Variants in KLHL29 observed in about 807,000 individuals in gnomAD.
KLHL29 encodes the protein kelch like family member 29.
In KLHL29, 21 loss-of-function variants were observed where a neutral mutation model predicts 80.4. That is an observed-to-expected ratio of 0.26 (90% CI 0.19 to 0.38). The LOEUF (loss-of-function observed/expected upper bound fraction) is 0.38, where lower values mean the gene tolerates loss of function less well. KLHL29 is among the 10% of genes least tolerant of loss of function. The probability of loss-of-function intolerance (pLI) is 1.00; values close to 1 mark genes in which losing one functional copy is unlikely to be tolerated. For missense variants in KLHL29, 867 were observed against 1,223.9 expected (o/e 0.71, Z 4.35); for synonymous variants, 511 against 526.8 (o/e 0.97, Z 0.41).
intron 1 of KLHL29, among the ~76,000 whole-genome samples, chr2:23,427,622 T>C (rs1006951023): frequency 5.3e-5 from 8 of 152,180 alleles, no homozygotes; most frequent in Admixed American, 2.6e-4. Context: ...AAAATGGCTT[T>C]GAGGGAGAGA....
At position 23,707,642 on chromosome 2, in the gene KLHL29, C is replaced by T. The variant is rs1672813345; in HGVS notation, c.*978C>T. On this transcript the variant is annotated 3_prime_UTR_variant, in exon 14 of 14. Transcript: ENST00000486442. Reference sequence around the variant, plus strand: ...CTCTAGAAGGAGCCCGGTTCTGGCTCAGGACACCGGCCCAGCTCCCTCCAT... The same window carrying T: ...CTCTAGAAGGAGCCCGGTTCTGGCTTAGGACACCGGCCCAGCTCCCTCCAT... 6.6e-6 allele frequency: 1 copy of T among 152,208 alleles called. No individual in the cohort carries two copies. The highest frequency in any genetic ancestry group is 2.4e-5 in the African/African-American group (1 of 41,434). The allele number at this position is 152,208 out of a possible 1,614,324, so 9.4% of individuals were successfully genotyped here.
intron 5 of KLHL29, among the ~76,000 whole-genome samples, chr2:23,665,951 A>T (rs1191404055): frequency 6.6e-6 from 1 of 152,240 alleles, no homozygotes; most frequent in African/African-American, 2.4e-5. Flanking sequence ...TATGAGCTGT[A>T]TGCTGGGTCC....
intron 3 of KLHL29, among the ~76,000 whole-genome samples, chr2:23,587,982 G>A (rs1021962001): frequency 6.6e-6 from 1 of 152,136 alleles, no homozygotes; most frequent in African/African-American, 2.4e-5. Context: ...CATCTGTCGC[G>A]TTTATTTCTA....
intron 2 of KLHL29, among the ~76,000 whole-genome samples, chr2:23,531,397 T>C (rs779447755): frequency 1.3e-4 from 20 of 152,132 alleles, no homozygotes; most frequent in Non-Finnish European, 2.1e-4. Flanking sequence ...ACCGTCCCCA[T>C]CAGTTCCATC....
intron 3 of KLHL29, among the ~76,000 whole-genome samples, chr2:23,567,008 C>A (rs1667605475): frequency 6.6e-6 from 1 of 152,210 alleles, no homozygotes; most frequent in Admixed American, 6.5e-5. Context: ...TGCTAAGGAA[C>A]TGGGATGGCA....
chr2:23,645,629 G>A (rs1572462825), intron 5 of KLHL29, among the ~76,000 whole-genome samples: 1 of 152,178 alleles, frequency 6.6e-6, no homozygotes, highest in Non-Finnish European at 1.5e-5. Flanking sequence ...GTAATTATGG[G>A]GAGATTCCCC....
At chr2:23,702,126 A>T (rs1298471824) in intron 11 of KLHL29, among the ~76,000 whole-genome samples, 1 of 152,092 alleles carries the variant, frequency 6.6e-6, no homozygotes, top group Non-Finnish European at 1.5e-5. Context: ...CCCAGCCCAC[A>T]TGGCTCTTTT....
intron 11 of KLHL29, among the ~76,000 whole-genome samples, chr2:23,701,620 G>A (rs1343916541): frequency 1.3e-5 from 2 of 152,010 alleles, no homozygotes; most frequent in African/African-American, 4.8e-5. Flanking sequence ...GGCTGAGGTG[G>A]GAGAATTGTT....
chr2:23,683,482 C>T (rs910913208), intron 5 of KLHL29, among the ~76,000 whole-genome samples: 1 of 152,250 alleles, frequency 6.6e-6, no homozygotes, highest in Non-Finnish European at 1.5e-5. Flanking sequence ...GCAACCCCAA[C>T]AGGGTGACTG....
chr2:23,393,257 T>C (rs2723146), intron 1 of KLHL29, among the ~76,000 whole-genome samples: 4,183 of 152,336 alleles, frequency 0.027, 55 homozygotes, highest in East Asian at 0.038. Context: ...GGCTGTGTAG[T>C]CACATGTTCA....
At chr2:23,508,545 G>A (rs904135883) in intron 2 of KLHL29, among the ~76,000 whole-genome samples, 1 of 152,270 alleles carries the variant, frequency 6.6e-6, no homozygotes, top group African/African-American at 2.4e-5. Flanking sequence ...TGAATCACAA[G>A]TCCACGTAGA....
In KLHL29 at chr2:23,625,743, T is replaced by G. The variant is rs185691503; in HGVS notation, c.286-13396T>G. 5.3e-5 allele frequency among the ~76,000 whole-genome samples: 8 copies of G among 152,344 alleles called. No individual in the cohort carries two copies. In the East Asian group the frequency reaches 1.3e-3, roughly 26 times the overall value. ...TTGTGCCCCCAGCAAATTCACAGGTTGAAGCCCTAATTACCATTGTGATGG... is the reference window on the plus strand; with the variant it reads ...TTGTGCCCCCAGCAAATTCACAGGTGGAAGCCCTAATTACCATTGTGATGG... On this transcript the variant is annotated intron_variant, in intron 3 of 13. Coordinates refer to ENST00000486442, the MANE Select transcript of KLHL29 (RefSeq NM_052920.2).
intron 2 of KLHL29, among the ~76,000 whole-genome samples, chr2:23,514,852 C>T (rs1665874607): frequency 6.6e-6 from 1 of 152,204 alleles, no homozygotes; most frequent in African/African-American, 2.4e-5. Flanking sequence ...ACCCGGAATG[C>T]TCTTTTCTGT....
Position 23,691,706 on chromosome 2 carries a change from A to T in KLHL29, c.1112A>T (p.Glu371Val). The T allele has an allele frequency of 6.4e-7, 1 of 1,551,806 alleles. No individual in the cohort carries two copies. Among genetic ancestry groups the T allele is most frequent in the Non-Finnish European group, 8.7e-7 (1 of 1,147,018 alleles). Residue 371 changes from glutamate to valine, a missense_variant, in exon 7 of 14, where the codon GAG (glutamate) becomes GTG (valine). Glu to Val is a moderately radical substitution (Grantham distance 121). Coordinates refer to ENST00000486442, the MANE Select transcript of KLHL29 (RefSeq NM_052920.2). ...SVQDSGQGGR[E>V]KLELVLSNLQ... ...CAAGACAGCGGCCAGGGCGGCCGGG[A>T]GAAGCTGGAGCTCGTCCTGTCGAAC...
Position 23,385,546 on chromosome 2 carries a change from TC to T in KLHL29, c.-386del, listed in dbSNP as rs1418824977. On this transcript the variant is annotated 5_prime_UTR_variant, in exon 1 of 14. Transcript: ENST00000486442. Reference sequence around the variant, plus strand: ...AGGACCGACTTCCCTCTCCCGGGCATCCTCCCTGGGCTGCCGGGAGGCGGCG... The same window carrying T: ...AGGACCGACTTCCCTCTCCCGGGCATCTCCCTGGGCTGCCGGGAGGCGGCG... 5.9e-6 allele frequency: 1 copy of T among 169,386 alleles called. No individual in the cohort carries two copies. The highest frequency in any genetic ancestry group is 1.4e-5 in the Non-Finnish European group (1 of 69,974). The allele number at this position is 169,386 out of a possible 1,614,324, so 10.5% of individuals were successfully genotyped here.
intron 5 of KLHL29, among the ~76,000 whole-genome samples, chr2:23,658,861 G>T (rs1670321577): frequency 1.3e-5 from 2 of 152,230 alleles, no homozygotes; most frequent in Admixed American, 6.5e-5. Flanking sequence ...GGTCTCCTCA[G>T]GAGAGACCCG....
intron 2 of KLHL29, among the ~76,000 whole-genome samples, chr2:23,549,238 G>T (rs532819107): frequency 1.3e-5 from 2 of 152,220 alleles, no homozygotes; most frequent in African/African-American, 4.8e-5. Context: ...CTGCCCAGCG[G>T]GGGTGGAAGT....
intron 2 of KLHL29, among the ~76,000 whole-genome samples, chr2:23,490,684 T>C (rs991104805): frequency 1.3e-5 from 2 of 152,244 alleles, no homozygotes; most frequent in African/African-American, 4.8e-5. Context: ...TTTCTGACTT[T>C]GGATTTATGG....
rs1672843540 is a variant in KLHL29 at position 23,708,227 on chromosome 2, C to T, written c.*1563C>T. On this transcript the variant is annotated 3_prime_UTR_variant, in exon 14 of 14. Transcript: ENST00000486442. The stretch of plus-strand genomic sequence containing the variant: ...CCCACTTGGACAAGATACCGAGCTT[C>T]GTTATGCAGTTTTTAATATTATTTA... The T allele has an allele frequency of 2.0e-5, 3 of 152,180 alleles. No homozygotes were observed. Among genetic ancestry groups the T allele is most frequent in the South Asian group, 4.1e-4 (2 of 4,820 alleles). 9.4% of individuals were successfully genotyped at this position (152,180 alleles called of 1,614,324 possible).
Sources: gnomAD v4.1 joint callset for allele counts (sites outside exome capture counted in the v4.1 genomes callset) on GRCh38, gnomAD v4.1.1 for gene constraint, MANE v1.5 for transcripts, NCBI Gene and HGNC (gene_info 2026-07-23, HGNC 2026-07-21) for gene names.